NLRP13: variants seen among roughly 807,000 people sequenced by gnomAD.
NLRP13 encodes the protein NLR family pyrin domain containing 13.
In NLRP13, 82 loss-of-function variants were observed where a neutral mutation model predicts 94.4. That is an observed-to-expected ratio of 0.87 (90% CI 0.73 to 1.04). NLRP13 has a LOEUF of 1.04. NLRP13 is among the 50% of genes least tolerant of loss of function. NLRP13 has a pLI of 0.00. For synonymous variants in NLRP13, 553 were observed against 464.7 expected (o/e 1.19, Z -2.45); for missense variants, 1,426 against 1,230.8 (o/e 1.16, Z -2.37).
rs1986540165 is a variant in NLRP13 at position 55,912,291 on chromosome 19, T to C, written c.1526A>G (p.Glu509Gly). 3.1e-6 allele frequency: 5 copies of C among 1,613,976 alleles called. No homozygotes were observed. Among genetic ancestry groups the C allele is most frequent in the African/African-American group, 1.3e-5 (1 of 74,924 alleles). Residue 509 changes from glutamate to glycine, a missense_variant, in exon 5 of 11, where the codon GAA (glutamate) becomes GGA (glycine). Physicochemically the swap from Glu to Gly is moderately conservative, Grantham distance 98. Coordinates refer to ENST00000342929, the MANE Select transcript of NLRP13 (RefSeq NM_176810.2). ...GTAGAGAGAATCAATGAAAGGCACT[T>C]CCAGGCCCTCGATCTCAGTGTCTTC... ...NKEDTEIEGL[E>G]VPFIDSLYEF...
At chr19:55,897,890 T>G (rs1026919558) in intron 10 of NLRP13, among the ~76,000 whole-genome samples, 6 of 152,316 alleles carry the variant, frequency 3.9e-5, no homozygotes, top group Admixed American at 3.3e-4. Context: ...AAAACATCAC[T>G]GAGCTAATGG....
At chr19:55,907,647 T>C in intron 7 of NLRP13, 145 bp downstream of exon 7, 2 of 751,382 alleles carry the variant, frequency 2.7e-6, no homozygotes, top group South Asian at 1.8e-5. Flanking sequence ...ACCACGGCTC[T>C]ACACATAGGA....
chr19:55,896,215 A>C, intron 10 of NLRP13, 96 bp from the exon 11 acceptor site: 2 of 1,360,464 alleles, frequency 1.5e-6, no homozygotes, highest in Non-Finnish European at 1.0e-6. Flanking sequence ...ACTATTACTA[A>C]AGCAGACTGC....
intron 2 of NLRP13, 87 bp from the exon 3 acceptor site, chr19:55,924,745 T>A (rs1986926988): frequency 1.7e-6 from 2 of 1,168,642 alleles, no homozygotes; most frequent in Non-Finnish European, 2.6e-6. Flanking sequence ...AGAACCAACT[T>A]TTTCTATGGC....
Position 55,904,999 on chromosome 19 carries a change from C to A in NLRP13, c.2561G>T (p.Gly854Val). 6.2e-7 allele frequency: 1 copy of A among 1,613,926 alleles called. No homozygotes were observed. Among genetic ancestry groups the A allele is most frequent in the Non-Finnish European group, 8.5e-7 (1 of 1,179,978 alleles). Residue 854 changes from glycine (G) to valine (V), a missense_variant, in exon 8 of 11, where the codon GGC (glycine) becomes GTC (valine). Physicochemically the swap from Gly to Val is moderately radical, Grantham distance 109. Transcript: ENST00000342929. ...CLGFNRLQDD[G>V]IKLLCAALTH... ...CAGGGCCGCACACAATAGCTTTATGCCATCATCTTGGAGCCGATTAAATCC... is the reference window on the plus strand; with the variant it reads ...CAGGGCCGCACACAATAGCTTTATGACATCATCTTGGAGCCGATTAAATCC...
chr19:55,895,284 A>G (rs1477739650), downstream of NLRP13, among the ~76,000 whole-genome samples: 1 of 151,852 alleles, frequency 6.6e-6, no homozygotes, highest in Non-Finnish European at 1.5e-5. Flanking sequence ...GGGAAGGCTG[A>G]GCCAAGAGAA....
chr19:55,919,974 A>G (rs1986774189), intron 4 of NLRP13, among the ~76,000 whole-genome samples: 1 of 152,168 alleles, frequency 6.6e-6, no homozygotes, highest in Non-Finnish European at 1.5e-5. Context: ...GTACTAGTAC[A>G]AAAATAAACA....
intron 5 of NLRP13, among the ~76,000 whole-genome samples, chr19:55,911,196 A>C (rs1252348909): frequency 6.6e-6 from 1 of 152,178 alleles, no homozygotes; most frequent in Admixed American, 6.5e-5. Flanking sequence ...CCCAAATATT[A>C]ATGTATATCA....
In NLRP13 at chr19:55,905,021, A is replaced by G. The variant is rs773687746; in HGVS notation, c.2539T>C (p.Phe847Leu). ...ATGCCATCATCTTGGAGCCGATTAA[A>G]TCCCAGGCACAATCGAGTTACGTGT... ...IQHVTRLCLG[F>L]NRLQDDGIKL... Residue 847 changes from phenylalanine (F) to leucine (L), a missense_variant, in exon 8 of 11, where the codon TTT becomes CTT. Coordinates refer to ENST00000342929, the MANE Select transcript of NLRP13 (RefSeq NM_176810.2). The G allele has an allele frequency of 3.7e-6, 6 of 1,613,960 alleles. No homozygotes were observed. In the South Asian group the frequency reaches 6.6e-5, roughly 18 times the overall value.
chr19:55,911,815 C>G lies in NLRP13; in HGVS notation c.2002G>C (p.Asp668His), dbSNP rs1986521646. ...AATGAAGAAGCTTGGAGTTCTTCGT[C>G]CTCCAAAATATTAAGGTCAACTTCA... ...IFEVDLNILEDEELQASSFCL... is the reference protein window; with the variant it reads ...IFEVDLNILEHEELQASSFCL... The change falls in exon 5 of 11, where the codon GAC becomes CAC. Residue 668 changes from aspartate to histidine, a missense_variant. By Grantham distance (81) the Asp-to-His change is moderately conservative. Transcript: ENST00000342929. The G allele has an allele frequency of 6.2e-7, 1 of 1,613,928 alleles. No homozygotes were observed. Among genetic ancestry groups the G allele is most frequent in the Admixed American group, 1.7e-5 (1 of 60,000 alleles).
rs1245258092 is a variant in NLRP13, at chr19:55,912,647, G to A, written c.1170C>T (p.Asp390=). Residue 390 remains aspartate (D), a synonymous_variant, in exon 5 of 11, where the codon GAC becomes GAT. Transcript: ENST00000342929. ...FVQITGFTGD[D]LRVYFMRHFD... is the part of the protein sequence containing the mutation. ...AGTGTCTCATGAAATATACCCGTAG[G>A]TCGTCCCCTGTGAACCCTGTAATTT... The A allele has an allele frequency of 3.1e-6, 5 of 1,614,136 alleles. No individual in the cohort carries two copies. Among genetic ancestry groups the A allele is most frequent in the African/African-American group, 1.3e-5 (1 of 75,022 alleles).
intron 9 of NLRP13, among the ~76,000 whole-genome samples, chr19:55,899,321 A>G (rs994792006): frequency 1.3e-5 from 2 of 152,168 alleles, no homozygotes; most frequent in African/African-American, 4.8e-5. Flanking sequence ...GGCAGGTCTG[A>G]ATTTCCCAGA....
Position 55,911,818 on chromosome 19 carries a change from C to T in NLRP13, c.1999G>A (p.Glu667Lys). 1 of 1,614,152 alleles carries T rather than the reference C, an allele frequency of 6.2e-7. No homozygotes were observed. The highest frequency in any genetic ancestry group is 2.2e-5 in the East Asian group (1 of 44,878). Residue 667 changes from glutamate (E) to lysine (K), a missense_variant, in exon 5 of 11, where the codon GAG (glutamate) becomes AAG (lysine). Glu to Lys is a moderately conservative substitution (Grantham distance 56). Coordinates refer to ENST00000342929, the MANE Select transcript of NLRP13 (RefSeq NM_176810.2). ...GAAGAAGCTTGGAGTTCTTCGTCCT[C>T]CAAAATATTAAGGTCAACTTCAAAG... ...RIFEVDLNIL[E>K]DEELQASSFC... is the part of the protein sequence containing the mutation.
intron 8 of NLRP13, 77 bp downstream of exon 8, chr19:55,904,865 A>G: frequency 3.3e-6 from 4 of 1,208,956 alleles, no homozygotes; most frequent in Non-Finnish European, 4.6e-6. Flanking sequence ...ATAAATAGAT[A>G]TCAAATGAAG....
intron 1 of NLRP13, among the ~76,000 whole-genome samples, chr19:55,931,722 A>AGAAAGAAGG (rs1468023647): frequency 9.3e-6 from 1 of 107,328 alleles, no homozygotes; most frequent in Non-Finnish European, 1.9e-5. Context: ...AAAAAAAAAA[A>AGAAAGAAGG]AAAGAAAGAA....
In NLRP13 at chr19:55,902,106, G is replaced by A. The variant is rs1159816752; in HGVS notation, c.2718C>T (p.Ser906=). Residue 906 remains serine (S), a synonymous_variant, in exon 9 of 11, where the codon AGC becomes AGT. Coordinates refer to ENST00000342929, the MANE Select transcript of NLRP13 (RefSeq NM_176810.2). ...SLTHLNLSKN[S]LRDEGVKFLC... is the part of the protein sequence containing the mutation. ...GGAACTTGACTCCCTCGTCTCTCAGGCTGTTCTTGCTCAGATTCAGGTGTG... is the reference window on the plus strand; with the variant it reads ...GGAACTTGACTCCCTCGTCTCTCAGACTGTTCTTGCTCAGATTCAGGTGTG... 3.1e-6 allele frequency: 5 copies of A among 1,614,130 alleles called. No homozygotes were observed. The Admixed American group carries it at 8.3e-5, about 27-fold the overall frequency.
rs1568445778 is a variant in NLRP13 at position 55,923,898 on chromosome 19, A to C, written c.523+16T>G. 5 of 1,601,976 alleles carry C rather than the reference A, an allele frequency of 3.1e-6. No homozygotes were observed. Among genetic ancestry groups the C allele is most frequent in the Non-Finnish European group, 4.3e-6 (5 of 1,168,912 alleles). Reference sequence around the variant, plus strand: ...CAAGCAACCTGTCCATTATCAACATAAAGTAGTATACACACCTGCTTCCTC... The same window carrying C: ...CAAGCAACCTGTCCATTATCAACATCAAGTAGTATACACACCTGCTTCCTC... On this transcript the variant is annotated intron_variant, in intron 4 of 10. Transcript: ENST00000342929.
chr19:55,924,740 C>G lies in NLRP13; in HGVS notation c.389-82G>C, dbSNP rs74320618. The G allele has an allele frequency of 1.9e-3, 2,380 of 1,240,104 alleles. 37 individuals carry two copies. The African/African-American group carries it at 0.031, about 16-fold the overall frequency. The allele number at this position is 1,240,104 out of a possible 1,614,324, so 76.8% of individuals were successfully genotyped here. A position where few individuals can be genotyped will look rare whatever the true frequency, so the allele number is the denominator to read the frequency against. On this transcript the variant is annotated intron_variant, in intron 2 of 10. Transcript: ENST00000342929. ...CAATAATGGAAGCCCCCAGTAGAAC[C>G]AACTTTTTCTATGGCAAACGGGATT...
At chr19:55,895,285 G>A (rs1168077147), downstream of NLRP13, among the ~76,000 whole-genome samples, 3 of 152,084 alleles carry the variant, frequency 2.0e-5, no homozygotes, top group African/African-American at 7.2e-5. Flanking sequence ...GGAAGGCTGA[G>A]CCAAGAGAAT....
Sources: gnomAD v4.1 joint callset for allele counts (sites outside exome capture counted in the v4.1 genomes callset) on GRCh38, gnomAD v4.1.1 for gene constraint, MANE v1.5 for transcripts, NCBI Gene and HGNC (gene_info 2026-07-23, HGNC 2026-07-21) for gene names.